CFAP300: variants seen among roughly 807,000 people sequenced by gnomAD.
CFAP300 encodes the protein cilia and flagella associated protein 300.
A neutral mutation model predicts 33.0 loss-of-function variants in CFAP300; 32 were observed. The observed-to-expected ratio is 0.97, with a 90% confidence interval of 0.73 to 1.30. The LOEUF (loss-of-function observed/expected upper bound fraction) is 1.30. Ranked by LOEUF, CFAP300 falls within the 50% of genes most tolerant of loss-of-function variation. The probability of loss-of-function intolerance (pLI) is 0.00; values close to 1 mark genes in which losing one functional copy is unlikely to be tolerated. For synonymous variants in CFAP300, 102 were observed against 106.8 expected (o/e 0.95, Z 0.28); for missense variants, 356 against 318.1 (o/e 1.12, Z -0.90).
In CFAP300 at chr11:102,058,970, C is replaced by T. The variant is rs1942100343; in HGVS notation, c.268+15C>T. On this transcript the variant is annotated intron_variant, in intron 3 of 6. Transcript: ENST00000434758. ...GATCATATTAGGTAAATAAAATTTTCATCTTTTCAGATACTATTTTACTAT... is the reference window on the plus strand; with the variant it reads ...GATCATATTAGGTAAATAAAATTTTTATCTTTTCAGATACTATTTTACTAT... The T allele has an allele frequency of 6.9e-7, 1 of 1,446,776 alleles. No individual in the cohort carries two copies. The highest frequency in any genetic ancestry group is 2.3e-5 in the East Asian group (1 of 42,810). 89.6% of individuals were successfully genotyped at this position (1,446,776 alleles called of 1,614,324 possible). A position where few individuals can be genotyped will look rare whatever the true frequency, so the allele number is the denominator to read the frequency against.
intron 4 of CFAP300, among the ~76,000 whole-genome samples, chr11:102,067,739 C>T (rs1942250200): frequency 1.3e-5 from 2 of 152,136 alleles, no homozygotes; most frequent in Admixed American, 6.5e-5. Flanking sequence ...ACCCTCATCT[C>T]TACAAAAATA....
chr11:102,065,237 C>T (rs1942205093), intron 3 of CFAP300, among the ~76,000 whole-genome samples: 1 of 151,986 alleles, frequency 6.6e-6, no homozygotes, highest in Admixed American at 6.6e-5. Context: ...AGCCTGCCAC[C>T]ACATGCAGCT....
In CFAP300 at chr11:102,068,783, T is replaced by C. The variant is rs112450322; in HGVS notation, c.435+2132T>C. 6.8e-3 allele frequency among the ~76,000 whole-genome samples: 1,037 copies of C among 152,320 alleles called. 3 individuals carry two copies. The highest frequency in any genetic ancestry group is 0.02 in the Middle Eastern group (6 of 294). ...GCCTAGGTGAAAGAGCAAGATTTCG[T>C]CTCAAAAGAAGAAATTAAACAAAAC... On this transcript the variant is annotated intron_variant, in intron 4 of 6. Coordinates refer to ENST00000434758, the MANE Select transcript of CFAP300 (RefSeq NM_032930.3).
intron 4 of CFAP300, among the ~76,000 whole-genome samples, chr11:102,073,382 A>G (rs10791559): frequency 0.57 from 86,079 of 151,942 alleles, 25,694 homozygotes; most frequent in East Asian, 0.75. Flanking sequence ...CAAGAGGAGC[A>G]CCCAGATGTC....
At chr11:102,079,608 C>T (rs1490395788) in intron 5 of CFAP300, among the ~76,000 whole-genome samples, 1 of 152,158 alleles carries the variant, frequency 6.6e-6, no homozygotes, top group Non-Finnish European at 1.5e-5. Flanking sequence ...TTCCTTTTTC[C>T]TCCTCCTCTT....
intron 3 of CFAP300, among the ~76,000 whole-genome samples, chr11:102,063,585 C>G (rs1247477225): frequency 6.6e-6 from 1 of 152,160 alleles, no homozygotes; most frequent in Non-Finnish European, 1.5e-5. Context: ...CCCAACACTT[C>G]AAGAGGCCAA....
chr11:102,078,150 C>A (rs1447736500), intron 5 of CFAP300, among the ~76,000 whole-genome samples: 1 of 152,166 alleles, frequency 6.6e-6, no homozygotes, highest in Non-Finnish European at 1.5e-5. Context: ...GCCTCAGCCT[C>A]CCAAAGTGCT....
At chr11:102,050,733 T>C (rs1941956066) in intron 2 of CFAP300, among the ~76,000 whole-genome samples, 1 of 152,142 alleles carries the variant, frequency 6.6e-6, no homozygotes, top group Non-Finnish European at 1.5e-5. Flanking sequence ...AGGCGGGGCC[T>C]GAAAGATGAG....
intron 4 of CFAP300, among the ~76,000 whole-genome samples, chr11:102,075,074 C>A (rs1942376522): frequency 6.6e-6 from 1 of 152,004 alleles, no homozygotes; most frequent in South Asian, 2.1e-4. Context: ...AGTTTGACAC[C>A]AGCCTGAGCA....
At chr11:102,082,462 G>T (rs1246711386) in intron 6 of CFAP300, among the ~76,000 whole-genome samples, 2 of 151,648 alleles carry the variant, frequency 1.3e-5, no homozygotes, top group African/African-American at 4.8e-5. Flanking sequence ...CACTTTAAAA[G>T]CACTTTTTTT....
chr11:102,079,761 A>G (rs1242147707), intron 5 of CFAP300, among the ~76,000 whole-genome samples: 2 of 152,184 alleles, frequency 1.3e-5, no homozygotes, highest in Non-Finnish European at 2.9e-5. Context: ...TTTGATACCT[A>G]TGTATTAAAT....
intron 3 of CFAP300, among the ~76,000 whole-genome samples, chr11:102,065,681 C>T (rs918822251): frequency 6.6e-6 from 1 of 151,534 alleles, no homozygotes; most frequent in Non-Finnish European, 1.5e-5. Flanking sequence ...GCAGGAGAAT[C>T]GCTTGAACCA....
chr11:102,053,172 T>G (rs1941996737), intron 2 of CFAP300, among the ~76,000 whole-genome samples: 1 of 151,804 alleles, frequency 6.6e-6, no homozygotes, highest in Non-Finnish European at 1.5e-5. Flanking sequence ...GAGGTTGCAG[T>G]GAGCTGAGAT....
chr11:102,066,587 G>A lies in CFAP300; in HGVS notation c.371G>A (p.Gly124Glu). Residue 124 changes from glycine (G) to glutamate (E), a missense_variant, in exon 4 of 7, where the codon GGA becomes GAA. By Grantham distance (98) the Gly-to-Glu change is moderately conservative (BLOSUM62 -2). Transcript: ENST00000434758. ...GATGAAGATATTGTACGAGACAGTGGACATATTGTTAAATGTTTAGATTCT... is the reference window on the plus strand; with the variant it reads ...GATGAAGATATTGTACGAGACAGTGAACATATTGTTAAATGTTTAGATTCT... ...LYDEDIVRDS[G>E]HIVKCLDSFC... 6.2e-7 allele frequency: 1 copy of A among 1,610,656 alleles called. No individual in the cohort carries two copies.
chr11:102,062,721 C>G (rs1942165788), intron 3 of CFAP300, among the ~76,000 whole-genome samples: 1 of 152,108 alleles, frequency 6.6e-6, no homozygotes. Flanking sequence ...TTCAACCTAT[C>G]CTTATTGTAA....
intron 4 of CFAP300, among the ~76,000 whole-genome samples, chr11:102,066,997 A>C (rs973990276): frequency 6.6e-6 from 1 of 152,244 alleles, no homozygotes. Flanking sequence ...CTATTTAATA[A>C]GGCCATTTTT....
At chr11:102,075,213 A>G (rs1327351675) in intron 4 of CFAP300, among the ~76,000 whole-genome samples, 1 of 152,134 alleles carries the variant, frequency 6.6e-6, no homozygotes, top group Non-Finnish European at 1.5e-5. Context: ...CGATAAATGA[A>G]TCAGTGGTCT....
intron 6 of CFAP300, among the ~76,000 whole-genome samples, chr11:102,082,364 G>T (rs528417871): frequency 1.3e-5 from 2 of 150,674 alleles, no homozygotes; most frequent in Non-Finnish European, 2.9e-5. Context: ...GGGCAAAAGA[G>T]TAAGACTCCA....
intron 4 of CFAP300, among the ~76,000 whole-genome samples, chr11:102,073,848 A>G (rs1009568371): frequency 6.6e-6 from 1 of 152,086 alleles, no homozygotes; most frequent in Non-Finnish European, 1.5e-5. Context: ...CCAGTGGCAT[A>G]TGTTTCAGCC....
Sources: gnomAD v4.1 joint callset for allele counts (sites outside exome capture counted in the v4.1 genomes callset) on GRCh38, gnomAD v4.1.1 for gene constraint, MANE v1.5 for transcripts, NCBI Gene and HGNC (gene_info 2026-07-23, HGNC 2026-07-21) for gene names.